Variants in PPARGC1A observed in about 807,000 individuals in gnomAD.
The protein encoded by PPARGC1A is peroxisome proliferator-activated receptor gamma coactivator 1-alpha.
In PPARGC1A, 25 loss-of-function variants were observed where a neutral mutation model predicts 88.7. That is an observed-to-expected ratio of 0.28 (90% CI 0.21 to 0.39). The LOEUF is 0.39. Ranked by LOEUF, PPARGC1A falls within the 10% of genes least tolerant of loss-of-function variation. The pLI, the probability that PPARGC1A is intolerant of heterozygous loss-of-function variation, is 1.00. For missense variants in PPARGC1A, 880 were observed against 968.7 expected (o/e 0.91, Z 1.22); for synonymous variants, 363 against 355.6 (o/e 1.02, Z -0.24).
chr4:24,344,601 GT>G, the PPARGC1A span, among the ~76,000 whole-genome samples: 13 of 97,696 alleles, frequency 1.3e-4, no homozygotes, highest in East Asian at 8.7e-4. Context: ...GGGATTGTTT[GT>G]TTTTTTTTTC....
chr4:24,387,452 G>C, the PPARGC1A span, among the ~76,000 whole-genome samples: 1 of 151,914 alleles, frequency 6.6e-6, no homozygotes. Context: ...CAGGTTGGGC[G>C]TGGTGGCTCA....
chr4:24,004,672 G>C, the PPARGC1A span, among the ~76,000 whole-genome samples: 1 of 152,118 alleles, frequency 6.6e-6, no homozygotes, highest in Non-Finnish European at 1.5e-5. Flanking sequence ...TTTGTTACTG[G>C]TCTTCGGTAA....
chr4:24,416,273 C>T, the PPARGC1A span, among the ~76,000 whole-genome samples: 1 of 152,188 alleles, frequency 6.6e-6, no homozygotes, highest in African/African-American at 2.4e-5. Context: ...ATTACAAAGA[C>T]TCTTGAAGGC....
chr4:24,270,306 CCTCT>C, the PPARGC1A span, among the ~76,000 whole-genome samples: 40,569 of 145,880 alleles, frequency 0.28, 6,149 homozygotes, highest in Non-Finnish European at 0.37. Flanking sequence ...AATAAATCAA[CCTCT>C]CTCTCTCTCT....
At chr4:23,944,195 T>A in the PPARGC1A span, among the ~76,000 whole-genome samples, 1 of 152,216 alleles carries the variant, frequency 6.6e-6, no homozygotes, top group Non-Finnish European at 1.5e-5. Context: ...ATACAAGGCA[T>A]ATGGGAATTC....
the PPARGC1A span, among the ~76,000 whole-genome samples, chr4:24,190,315 G>A: frequency 6.6e-5 from 10 of 152,136 alleles, 1 homozygote; most frequent in South Asian, 2.1e-3. Context: ...GGAGATCGAG[G>A]CCATCCTGGC....
chr4:23,814,473 GA>G lies in PPARGC1A; in HGVS notation c.1009del (p.Ser337LeufsTer74). ...PSKKPRYSESSGTQGNNSTKK... is the reference protein window; with the variant it reads ...PSKKPRYSESXGTQGNNSTKK... ...GGTGGAGTTATTGCCTTGTGTACCAGAAGACTCACTGTACCTGGGCTTCTTT... is the reference window on the plus strand; with the variant it reads ...GGTGGAGTTATTGCCTTGTGTACCAGAGACTCACTGTACCTGGGCTTCTTT... On this transcript the variant is annotated frameshift_variant, in exon 8 of 13. Transcript: ENST00000264867. LOFTEE classifies it high-confidence loss of function. The G allele has an allele frequency of 6.2e-7, 1 of 1,613,744 alleles. No homozygotes were observed.
chr4:24,434,240 G>T, the PPARGC1A span, among the ~76,000 whole-genome samples: 2 of 152,184 alleles, frequency 1.3e-5, no homozygotes, highest in African/African-American at 2.4e-5. Flanking sequence ...CAGTGATGAG[G>T]CCCCCTCAGG....
At chr4:24,421,882 C>T in the PPARGC1A span, among the ~76,000 whole-genome samples, 1 of 152,010 alleles carries the variant, frequency 6.6e-6, no homozygotes, top group Non-Finnish European at 1.5e-5. Flanking sequence ...TATAATACTG[C>T]TTTTCCATGG....
At chr4:23,796,066 T>C in intron 12 of PPARGC1A, 141 bp from the exon 13 acceptor site, 1 of 661,952 alleles carries the variant, frequency 1.5e-6, no homozygotes, top group Non-Finnish European at 2.6e-6. Context: ...TTTTATTGGA[T>C]ATATATGGAT....
the PPARGC1A span, among the ~76,000 whole-genome samples, chr4:24,430,424 A>AT: frequency 2.0e-4 from 29 of 147,758 alleles, no homozygotes; most frequent in Non-Finnish European, 3.2e-4. Context: ...CGCCCGGCTA[A>AT]TTTTTTTTTT....
the PPARGC1A span, among the ~76,000 whole-genome samples, chr4:23,954,266 T>G: frequency 6.6e-6 from 1 of 152,254 alleles, no homozygotes; most frequent in African/African-American, 2.4e-5. Flanking sequence ...AGTTTAGTAA[T>G]GCTAACTGTG....
At chr4:24,233,627 C>T in the PPARGC1A span, among the ~76,000 whole-genome samples, 1 of 150,224 alleles carries the variant, frequency 6.7e-6, no homozygotes, top group Non-Finnish European at 1.5e-5. Flanking sequence ...CACACATATA[C>T]ACACCCAAGG....
chr4:24,058,715 G>A, the PPARGC1A span, among the ~76,000 whole-genome samples: 2 of 152,204 alleles, frequency 1.3e-5, no homozygotes, highest in East Asian at 1.9e-4. Context: ...GGGAGGCAGA[G>A]TGGGTGGATC....
intron 2 of PPARGC1A, among the ~76,000 whole-genome samples, chr4:23,837,928 T>C (rs1726325688): frequency 1.3e-5 from 2 of 152,180 alleles, no homozygotes; most frequent in Admixed American, 1.3e-4. Flanking sequence ...AATGTACAGA[T>C]TTTGGTTCTG....
the PPARGC1A span, among the ~76,000 whole-genome samples, chr4:24,317,585 A>AAAAAAAAAAAC: frequency 7.3e-6 from 1 of 137,202 alleles, no homozygotes; most frequent in Non-Finnish European, 1.6e-5. Flanking sequence ...AAAAAAAAAA[A>AAAAAAAAAAAC]AAAAAAAAAA....
the PPARGC1A span, among the ~76,000 whole-genome samples, chr4:24,339,237 T>TATATACACACAC: frequency 1.9e-5 from 2 of 104,266 alleles, no homozygotes; most frequent in African/African-American, 8.0e-5. Context: ...TATATATATA[T>TATATACACACAC]ACACACACAC....
chr4:24,276,567 A>T, the PPARGC1A span, among the ~76,000 whole-genome samples: 2 of 152,180 alleles, frequency 1.3e-5, no homozygotes, highest in Non-Finnish European at 2.9e-5. Flanking sequence ...CTCTGTGATC[A>T]TATTTGAGAG....
the PPARGC1A span, among the ~76,000 whole-genome samples, chr4:23,910,359 ATATATATTATAT>A: frequency 8.9e-5 from 9 of 101,312 alleles, no homozygotes; most frequent in Admixed American, 1.6e-4. Context: ...TATATATATT[ATATATATTATAT>A]TATATTATAT....
Sources: allele counts gnomAD v4.1 joint callset (sites outside exome capture counted in the v4.1 genomes callset), GRCh38; gene constraint gnomAD v4.1.1; transcripts MANE v1.5; gene names NCBI Gene and HGNC (gene_info 2026-07-23, HGNC 2026-07-21).